RCC1: variants seen among roughly 807,000 people sequenced by gnomAD.
RCC1 encodes regulator of chromosome condensation.
Under a neutral mutation model 44.4 loss-of-function variants are expected in RCC1, and 11 were observed. That is an observed-to-expected ratio of 0.25 (90% confidence interval 0.16 to 0.41). RCC1 has a LOEUF of 0.41. RCC1 is among the 10% of genes least tolerant of loss of function. RCC1 has a pLI of 1.00. For missense variants in RCC1, 386 were observed against 547.1 expected (o/e 0.71, Z 2.94); for synonymous variants, 213 against 216.5 (o/e 0.98, Z 0.14).
intron 3 of RCC1, among the ~76,000 whole-genome samples, chr1:28,514,591 G>A (rs1232299091): frequency 3.4e-5 from 5 of 149,158 alleles, no homozygotes; most frequent in East Asian, 2.0e-4. Context: ...GAGAAACCCC[G>A]TCTCTACTAA....
At chr1:28,528,273 T>C (rs973306549) in intron 4 of RCC1, among the ~76,000 whole-genome samples, 1 of 151,988 alleles carries the variant, frequency 6.6e-6, no homozygotes, top group Non-Finnish European at 1.5e-5. Context: ...CTGGCCAAAC[T>C]GGTGAAACCT....
intron 4 of RCC1, 25 bp from the exon 5 acceptor site, chr1:28,529,833 T>C (rs1221114810): frequency 1.3e-6 from 2 of 1,580,784 alleles, no homozygotes; most frequent in Admixed American, 1.7e-5. Flanking sequence ...CCATTTCTCA[T>C]ATGTAGTATT....
chr1:28,514,671 G>A (rs1207192863), intron 3 of RCC1, among the ~76,000 whole-genome samples: 2 of 151,710 alleles, frequency 1.3e-5, no homozygotes, highest in Non-Finnish European at 2.9e-5. Context: ...TGAGGCAGGA[G>A]AATTGCTTGA....
chr1:28,507,236 A>G (rs1353041939), intron 1 of RCC1: 1 of 427,146 alleles, frequency 2.3e-6, no homozygotes, highest in Non-Finnish European at 4.6e-6. Flanking sequence ...CTAGAAACCG[A>G]TTTTTTTTTA....
intron 3 of RCC1, among the ~76,000 whole-genome samples, chr1:28,514,895 C>A (rs1662798866): frequency 6.6e-6 from 1 of 152,128 alleles, no homozygotes. Context: ...ATAAATATTT[C>A]TTCCATTTCT....
chr1:28,507,367 C>T (rs757538461), intron 1 of RCC1: 3 of 518,902 alleles, frequency 5.8e-6, no homozygotes, highest in African/African-American at 5.8e-5. Context: ...ACTGATTGTC[C>T]AACGTGGATA....
intron 4 of RCC1, among the ~76,000 whole-genome samples, chr1:28,529,200 T>G (rs1663929180): frequency 7.1e-6 from 1 of 141,668 alleles, no homozygotes; most frequent in Admixed American, 7.1e-5. Flanking sequence ...TTTTTTTTTT[T>G]TTTGAGACAG....
rs769808394 is a variant in RCC1 at position 28,531,259 on chromosome 1, C to CTTTTTTTTTTTT, written c.74-539_74-538insTTTTTTTTTTTT. Reference sequence around the variant, plus strand: ...CAATAACAATAATTAGCTTTCTTTTCTTTTTCTTTTTTTTTTTTTTTTTGA... The same window carrying CTTTTTTTTTTTT: ...CAATAACAATAATTAGCTTTCTTTTCTTTTTTTTTTTTTTTTTCTTTTTTTTTTTTTTTTTGA... On this transcript the variant is annotated intron_variant, in intron 5 of 12. Transcript: ENST00000683442. Among the ~76,000 whole-genome samples the CTTTTTTTTTTTT allele has an allele frequency of 1.1e-3, 148 of 132,460 alleles. 2 individuals are homozygous for CTTTTTTTTTTTT. Among genetic ancestry groups the CTTTTTTTTTTTT allele is most frequent in the Non-Finnish European group, 1.6e-3 (104 of 64,430 alleles). 86.9% of individuals were successfully genotyped at this position (132,460 alleles called of 152,430 possible).
chr1:28,513,184 G>A (rs914967779), intron 3 of RCC1, among the ~76,000 whole-genome samples: 4 of 151,534 alleles, frequency 2.6e-5, no homozygotes, highest in East Asian at 1.9e-4. Context: ...TTACAGTCAC[G>A]CACCACCACG....
chr1:28,532,858 C>G (rs374390677), intron 7 of RCC1: 26 of 391,782 alleles, frequency 6.6e-5, no homozygotes, highest in African/African-American at 5.0e-4. Flanking sequence ...TCTTGTTGCC[C>G]AGGCTGGAGT....
rs1186675791 is a variant in RCC1, at chr1:28,535,901, T to C, written c.692T>C (p.Leu231Pro). 9 of 1,614,052 alleles carry C rather than the reference T, an allele frequency of 5.6e-6. No homozygotes were observed. The highest frequency in any genetic ancestry group is 7.6e-6 in the Non-Finnish European group (9 of 1,179,936). Reference sequence around the variant, plus strand: ...CTCCTGGTCCCCAAGTGTGTGATGCTGAAATCCAGGGGAAGCCGGGGCCAC... The same window carrying C: ...CTCCTGGTCCCCAAGTGTGTGATGCCGAAATCCAGGGGAAGCCGGGGCCAC... Reference protein sequence around the residue: ...ERLLVPKCVMLKSRGSRGHVR... With the variant: ...ERLLVPKCVMPKSRGSRGHVR... The change falls in exon 10 of 13, where the codon CTG becomes CCG. Residue 231 changes from leucine (L) to proline (P), a missense_variant. Leu to Pro is a moderately conservative substitution (Grantham distance 98, BLOSUM62 -3). Coordinates refer to ENST00000683442, the MANE Select transcript of RCC1 (RefSeq NM_001381865.2).
chr1:28,528,512 C>T (rs769275052), intron 4 of RCC1, among the ~76,000 whole-genome samples: 8 of 152,092 alleles, frequency 5.3e-5, no homozygotes, highest in African/African-American at 1.4e-4. Flanking sequence ...CCTGTAATCT[C>T]AGCTACTCGG....
chr1:28,534,108 T>C (rs942073844), intron 7 of RCC1, among the ~76,000 whole-genome samples: 4 of 151,646 alleles, frequency 2.6e-5, no homozygotes, highest in African/African-American at 7.3e-5. Context: ...GAATTTCTGA[T>C]CTCAGGTGAT....
intron 7 of RCC1, among the ~76,000 whole-genome samples, chr1:28,532,926 C>T (rs572392466): frequency 6.6e-5 from 10 of 152,238 alleles, no homozygotes; most frequent in African/African-American, 2.4e-4. Context: ...AGTGATTCTC[C>T]TGCCTCAGCC....
chr1:28,507,883 G>T (rs1570155236), intron 1 of RCC1: 1 of 308,822 alleles, frequency 3.2e-6, no homozygotes, highest in East Asian at 8.6e-5. Context: ...TGGGATTACA[G>T]GCGTGAGCCA....
At chr1:28,527,051 T>C in intron 4 of RCC1, 1 of 825,254 alleles carries the variant, frequency 1.2e-6, no homozygotes, top group South Asian at 1.3e-5. Flanking sequence ...AGGTGCATGG[T>C]ATGAGGAACT....
chr1:28,508,308 G>A (rs556318757), intron 2 of RCC1, 148 bp downstream of exon 2: 64 of 350,776 alleles, frequency 1.8e-4, no homozygotes, highest in Admixed American at 1.9e-4. Context: ...GCCAAATATC[G>A]ACTTTGCTGC....
intron 3 of RCC1, among the ~76,000 whole-genome samples, chr1:28,512,851 G>C (rs753836575): frequency 5.3e-5 from 8 of 152,080 alleles, no homozygotes; most frequent in Non-Finnish European, 1.2e-4. Context: ...CTGGAGTGCA[G>C]TGGCACAATC....
chr1:28,532,612 A>G (rs1423314504), intron 7 of RCC1: 2 of 522,808 alleles, frequency 3.8e-6, no homozygotes, highest in Admixed American at 2.6e-5. Context: ...GTTGAGGCTG[A>G]TCCAGGAGGC....
Sources: gnomAD v4.1 joint callset for allele counts (sites outside exome capture counted in the v4.1 genomes callset) on GRCh38, gnomAD v4.1.1 for gene constraint, MANE v1.5 for transcripts, NCBI Gene and HGNC (gene_info 2026-07-23, HGNC 2026-07-21) for gene names.